The following IQCJ variants were observed in gnomAD, a reference collection of about 807,000 sequenced individuals.
IQCJ encodes the protein IQ domain-containing protein J.
IQCJ carries 9 observed loss-of-function variants against 11.0 expected under a neutral mutation model. The observed-to-expected ratio is 0.82, with a 90% CI of 0.49 to 1.43. IQCJ has a LOEUF of 1.43. IQCJ is among the 40% of genes most tolerant of loss of function. The pLI is 0.00. For synonymous variants in IQCJ, 55 were observed against 51.3 expected (o/e 1.07, Z -0.31); for missense variants, 146 against 133.2 (o/e 1.10, Z -0.47).
intron 1 of IQCJ, among the ~76,000 whole-genome samples, chr3:159,241,149 C>T (rs953006579): frequency 3.3e-4 from 50 of 152,036 alleles, no homozygotes; most frequent in African/African-American, 1.2e-3. Context: ...GTGGCTCATG[C>T]TTGTAATCCC....
chr3:159,262,854 A>C lies in IQCJ; in HGVS notation c.*123A>C, dbSNP rs1392526254. ...ATGGTGAGAGTTTTGTCACCTCAAAATAAAGACACAATTCATAAGCACAAA... is the reference window on the plus strand; with the variant it reads ...ATGGTGAGAGTTTTGTCACCTCAAACTAAAGACACAATTCATAAGCACAAA... On this transcript the variant is annotated 3_prime_UTR_variant, in exon 4 of 4. Coordinates refer to ENST00000397832, the MANE Select transcript of IQCJ (RefSeq NM_001042706.3). 3 of 1,431,046 alleles carry C rather than the reference A, an allele frequency of 2.1e-6. No homozygotes were observed. Among genetic ancestry groups the C allele is most frequent in the Non-Finnish European group, 2.8e-6 (3 of 1,087,898 alleles). 88.6% of individuals were successfully genotyped at this position (1,431,046 alleles called of 1,614,324 possible).
chr3:159,088,472 C>T (rs1576996754), intron 1 of IQCJ, among the ~76,000 whole-genome samples: 3 of 152,186 alleles, frequency 2.0e-5, no homozygotes, highest in African/African-American at 7.2e-5. Flanking sequence ...CCTGGGTATC[C>T]TTGTTGATTT....
At chr3:159,236,881 G>A (rs1726626270) in intron 1 of IQCJ, among the ~76,000 whole-genome samples, 1 of 152,164 alleles carries the variant, frequency 6.6e-6, no homozygotes, top group Admixed American at 6.5e-5. Context: ...AGGTGAGGAA[G>A]CCTGGTAATA....
chr3:159,219,074 T>C (rs150639842), intron 1 of IQCJ, among the ~76,000 whole-genome samples: 93 of 152,222 alleles, frequency 6.1e-4, no homozygotes, highest in African/African-American at 2.1e-3. Flanking sequence ...CAATATAATC[T>C]CACGATCTCA....
intron 1 of IQCJ, among the ~76,000 whole-genome samples, chr3:159,214,913 C>G (rs1725142244): frequency 6.6e-6 from 1 of 152,156 alleles, no homozygotes; most frequent in South Asian, 2.1e-4. Context: ...CATATTGTTA[C>G]CCCCTTTCAG....
chr3:159,243,802 G>A (rs556294847), intron 1 of IQCJ, among the ~76,000 whole-genome samples: 2 of 152,290 alleles, frequency 1.3e-5, no homozygotes, highest in East Asian at 1.9e-4. Context: ...GACCACTCAG[G>A]TTATTATATG....
chr3:159,182,210 T>A lies in IQCJ; in HGVS notation c.10-63633T>A, dbSNP rs559387964. Among the ~76,000 whole-genome samples the A allele has an allele frequency of 3.6e-4, 55 of 151,598 alleles. No homozygotes were observed. The South Asian group carries it at 4.8e-3, about 13-fold the overall frequency. On this transcript the variant is annotated intron_variant, in intron 1 of 3. Transcript: ENST00000397832. ...TCTTACCAACAAAATTATACTTTTT[T>A]TAAAAAAAACAGGAAAGCCTCTCTA...
chr3:159,088,000 A>G (rs987136565), intron 1 of IQCJ, among the ~76,000 whole-genome samples: 4 of 151,200 alleles, frequency 2.6e-5, no homozygotes, highest in African/African-American at 9.7e-5. Flanking sequence ...AGTTCTTTTA[A>G]TTGTGATGTT....
chr3:159,148,580 C>T (rs934293285), intron 1 of IQCJ, among the ~76,000 whole-genome samples: 11 of 152,146 alleles, frequency 7.2e-5, no homozygotes, highest in Non-Finnish European at 1.0e-4. Flanking sequence ...CTTTCTAGTA[C>T]AAAGTGATCA....
chr3:159,104,353 C>T (rs1192558103), intron 1 of IQCJ, among the ~76,000 whole-genome samples: 1 of 152,092 alleles, frequency 6.6e-6, no homozygotes, highest in Non-Finnish European at 1.5e-5. Context: ...AACACTCATC[C>T]CTCTTCCCCA....
At chr3:159,155,845 A>C (rs1322623683) in intron 1 of IQCJ, among the ~76,000 whole-genome samples, 1 of 152,232 alleles carries the variant, frequency 6.6e-6, no homozygotes, top group Non-Finnish European at 1.5e-5. Flanking sequence ...TGTGGCTTTT[A>C]AACATAATGC....
intron 1 of IQCJ, among the ~76,000 whole-genome samples, chr3:159,079,690 A>G (rs1422978370): frequency 6.6e-6 from 1 of 152,212 alleles, no homozygotes; most frequent in African/African-American, 2.4e-5. Flanking sequence ...CTAGGAATAT[A>G]TCATGTACAT....
chr3:159,170,540 A>G (rs1454711690), intron 1 of IQCJ, among the ~76,000 whole-genome samples: 2 of 152,198 alleles, frequency 1.3e-5, no homozygotes, highest in African/African-American at 4.8e-5. Context: ...CATTTTTTAT[A>G]CCAAACTAAA....
At chr3:159,153,544 C>A (rs1463515536) in intron 1 of IQCJ, among the ~76,000 whole-genome samples, 6 of 152,186 alleles carry the variant, frequency 3.9e-5, no homozygotes, top group African/African-American at 9.7e-5. Context: ...AGAGATACGG[C>A]AATGACCAAT....
At chr3:159,200,412 G>A (rs1724261451) in intron 1 of IQCJ, among the ~76,000 whole-genome samples, 1 of 152,072 alleles carries the variant, frequency 6.6e-6, no homozygotes, top group African/African-American at 2.4e-5. Flanking sequence ...CTGCTCCCTG[G>A]ATTTCTTCAT....
intron 1 of IQCJ, among the ~76,000 whole-genome samples, chr3:159,227,316 T>C (rs1725916189): frequency 6.6e-6 from 1 of 152,206 alleles, no homozygotes; most frequent in South Asian, 2.1e-4. Flanking sequence ...AAACTGTAGA[T>C]AATTGGATTT....
In IQCJ at chr3:159,161,712, G is replaced by A. The variant is rs189913016; in HGVS notation, c.10-84131G>A. Among the ~76,000 whole-genome samples the A allele has an allele frequency of 2.8e-3, 430 of 152,274 alleles. 5 individuals carry two copies. The highest frequency in any genetic ancestry group is 9.7e-3 in the African/African-American group (405 of 41,548). On this transcript the variant is annotated intron_variant, in intron 1 of 3. Coordinates refer to ENST00000397832, the MANE Select transcript of IQCJ (RefSeq NM_001042706.3). ...CATCTTGAATTAATTTTTGTATAAG[G>A]TGTAAGGAAGGGATCCAGTTTCAGC... is the stretch of plus-strand genomic sequence containing the variant.
At chr3:159,201,627 CTTTTTTTTTT>C (rs71144478) in intron 1 of IQCJ, among the ~76,000 whole-genome samples, 1 of 70,308 alleles carries the variant, frequency 1.4e-5, no homozygotes, top group Non-Finnish European at 2.6e-5. Context: ...GATAATGATT[CTTTTTTTTTT>C]TTTTTTTTTT....
At chr3:159,159,748 TCC>T (rs755002718) in intron 1 of IQCJ, among the ~76,000 whole-genome samples, 2 of 152,146 alleles carry the variant, frequency 1.3e-5, no homozygotes, top group Admixed American at 6.5e-5. Flanking sequence ...TGAGGGTGGA[TCC>T]CTCGTAAATG....
Sources: gnomAD v4.1 joint callset for allele counts (sites outside exome capture counted in the v4.1 genomes callset) on GRCh38, gnomAD v4.1.1 for gene constraint, MANE v1.5 for transcripts, NCBI Gene and HGNC (gene_info 2026-07-23, HGNC 2026-07-21) for gene names.